The following SLC38A4 variants were observed in gnomAD, a reference collection of about 807,000 sequenced individuals.
The protein encoded by SLC38A4 is solute carrier family 38 member 4.
Under a neutral mutation model 63.1 loss-of-function variants are expected in SLC38A4, and 20 were observed. That is an observed-to-expected ratio of 0.32 (90% CI 0.22 to 0.46). The LOEUF is 0.46. Among genes scored for constraint, SLC38A4 ranks in the 20% least tolerant of loss-of-function variants. SLC38A4 has a pLI of 1.00. For synonymous variants in SLC38A4, 230 were observed against 225.5 expected (o/e 1.02, Z -0.18); for missense variants, 526 against 663.6 (o/e 0.79, Z 2.28).
At chr12:46,772,346 A>G (rs1192119406) in intron 14 of SLC38A4, among the ~76,000 whole-genome samples, 1 of 152,132 alleles carries the variant, frequency 6.6e-6, no homozygotes, top group Non-Finnish European at 1.5e-5. Flanking sequence ...TTTAATTATA[A>G]GATGAAATAC....
chr12:46,803,846 A>T (rs1939179578), intron 1 of SLC38A4, 52 bp from the exon 2 acceptor site: 1 of 151,490 alleles, frequency 6.6e-6, no homozygotes, highest in South Asian at 2.1e-4. Flanking sequence ...GTACATTTGG[A>T]TTAAACATCA....
At chr12:46,828,446 C>G (rs185046668), upstream of SLC38A4, among the ~76,000 whole-genome samples, 345 of 152,202 alleles carry the variant, frequency 2.3e-3, 1 homozygote, top group Non-Finnish European at 3.0e-3. Context: ...CTTAGCCTCT[C>G]GAGTATCTGG....
chr12:46,804,311 T>C (rs1239431660), intron 1 of SLC38A4, among the ~76,000 whole-genome samples: 1 of 151,918 alleles, frequency 6.6e-6, no homozygotes, highest in Non-Finnish European at 1.5e-5. Flanking sequence ...TTTAAGTAGG[T>C]ATTTTCTGCA....
intron 1 of SLC38A4, among the ~76,000 whole-genome samples, chr12:46,817,559 C>T (rs921914803): frequency 6.6e-6 from 1 of 151,796 alleles, no homozygotes; most frequent in African/African-American, 2.4e-5. Flanking sequence ...CCTTCTTGCA[C>T]TTATTGTTGC....
intron 1 of SLC38A4, among the ~76,000 whole-genome samples, chr12:46,804,192 A>G (rs1012318347): frequency 6.6e-6 from 1 of 152,108 alleles, no homozygotes; most frequent in East Asian, 1.9e-4. Flanking sequence ...CGGTACAGTT[A>G]CTCAAGATGC....
rs73283905 is a variant in SLC38A4 at position 46,775,295 on chromosome 12, C to T, written c.1175-122G>A. On this transcript the variant is annotated intron_variant, in intron 13 of 16. Transcript: ENST00000266579. ...AAAGACCTAGGCCTGGGAATCCAGG[C>T]ACCTCTGGTCTTGCCTCTGAGCTCA... 5.0e-4 allele frequency: 609 copies of T among 1,220,118 alleles called. No homozygotes were observed. The African/African-American group carries it at 8.2e-3, about 16-fold the overall frequency. The allele number at this position is 1,220,118 out of a possible 1,614,324, so 75.6% of individuals were successfully genotyped here.
intron 1 of SLC38A4, among the ~76,000 whole-genome samples, chr12:46,804,620 G>T (rs1443223910): frequency 6.6e-6 from 1 of 151,958 alleles, no homozygotes; most frequent in East Asian, 1.9e-4. Flanking sequence ...TGCTCCTCGA[G>T]TAAGATATTC....
At chr12:46,826,488 T>C (rs1434135886), upstream of SLC38A4, among the ~76,000 whole-genome samples, 1 of 152,264 alleles carries the variant, frequency 6.6e-6, no homozygotes, top group Non-Finnish European at 1.5e-5. Flanking sequence ...ACAATAATTC[T>C]ATACCATAGC....
chr12:46,820,791 C>T (rs574405045), intron 1 of SLC38A4, among the ~76,000 whole-genome samples: 2 of 151,956 alleles, frequency 1.3e-5, no homozygotes, highest in Non-Finnish European at 1.5e-5. Flanking sequence ...TATATCCGCA[C>T]CAACAGTGTA....
At chr12:46,792,900 G>A in intron 3 of SLC38A4, 53 bp downstream of exon 3, 5 of 1,329,702 alleles carry the variant, frequency 3.8e-6, no homozygotes, top group Non-Finnish European at 3.2e-6. Context: ...TGTTTTCCAT[G>A]TCCACATCCT....
At chr12:46,820,133 T>C (rs534125335) in intron 1 of SLC38A4, among the ~76,000 whole-genome samples, 8 of 152,112 alleles carry the variant, frequency 5.3e-5, no homozygotes, top group Admixed American at 3.3e-4. Flanking sequence ...GTCAATGTAA[T>C]AGATATATCC....
intron 2 of SLC38A4, among the ~76,000 whole-genome samples, chr12:46,802,133 A>G (rs1939143661): frequency 1.3e-5 from 2 of 152,088 alleles, no homozygotes; most frequent in Admixed American, 1.3e-4. Context: ...AGATTTGAAT[A>G]TGCGATTTTG....
intron 7 of SLC38A4, among the ~76,000 whole-genome samples, chr12:46,783,559 G>A (rs1331300934): frequency 6.6e-6 from 1 of 152,040 alleles, no homozygotes; most frequent in Non-Finnish European, 1.5e-5. Context: ...ATCATCTGTG[G>A]TCATGAGGAC....
chr12:46,799,912 A>G (rs868317809), intron 2 of SLC38A4, among the ~76,000 whole-genome samples: 13 of 152,154 alleles, frequency 8.5e-5, no homozygotes, highest in South Asian at 2.1e-4. Context: ...CTACTAAAAC[A>G]AACAGATTTT....
rs747423739 is a variant in SLC38A4, at chr12:46,778,594, G to A, written c.900C>T (p.Asn300=). The part of the protein sequence containing the change: ...THRNPAGLDE[N]QAKGSLHDSG... ...TGTCATGAAGAGAGCCCTTGGCCTG[G>A]TTCTCATCCAGCCCTGCAGGATTGC... The change falls in exon 11 of 17, where the codon AAC becomes AAT. Residue 300 remains asparagine, a synonymous_variant. Transcript: ENST00000266579. 2 of 1,613,024 alleles carry A rather than the reference G, an allele frequency of 1.2e-6. No individual in the cohort carries two copies.
intron 7 of SLC38A4, among the ~76,000 whole-genome samples, chr12:46,781,142 A>G (rs1395845528): frequency 6.6e-6 from 1 of 152,064 alleles, no homozygotes; most frequent in Non-Finnish European, 1.5e-5. Context: ...GACAAGATAT[A>G]TGTTGTTATT....
intron 2 of SLC38A4, among the ~76,000 whole-genome samples, chr12:46,794,962 T>C (rs944381128): frequency 2.0e-4 from 30 of 149,832 alleles, no homozygotes; most frequent in African/African-American, 6.6e-4. Flanking sequence ...TAAGAGAGAA[T>C]AGAAGTAAGA....
At chr12:46,807,044 G>A (rs891903319) in intron 1 of SLC38A4, among the ~76,000 whole-genome samples, 1 of 151,908 alleles carries the variant, frequency 6.6e-6, no homozygotes, top group African/African-American at 2.4e-5. Context: ...ACGACAGTGG[G>A]AGAGATAAAC....
intron 1 of SLC38A4, among the ~76,000 whole-genome samples, chr12:46,817,900 AATT>A (rs780886262): frequency 2.6e-5 from 4 of 151,948 alleles, no homozygotes; most frequent in Non-Finnish European, 4.4e-5. Context: ...AGTAATAGAA[AATT>A]ATTATTAATA....
Sources: gnomAD v4.1 joint callset for allele counts (sites outside exome capture counted in the v4.1 genomes callset) on GRCh38, gnomAD v4.1.1 for gene constraint, MANE v1.5 for transcripts, NCBI Gene and HGNC (gene_info 2026-07-23, HGNC 2026-07-21) for gene names.